Variants in CSNK2B observed in about 807,000 individuals in gnomAD.
CSNK2B encodes the protein casein kinase 2 beta, also known as casein kinase II subunit beta.
CSNK2B carries 2 observed loss-of-function variants against 28.8 expected under a neutral mutation model. The ratio of observed to expected loss-of-function variants is 0.07; its 90% CI spans 0.03 to 0.22. CSNK2B has a LOEUF of 0.22. CSNK2B is among the 10% of genes least tolerant of loss of function. The probability of loss-of-function intolerance (pLI) is 1.00; values close to 1 mark genes in which losing one functional copy is unlikely to be tolerated. For synonymous variants in CSNK2B, 89 were observed against 96.1 expected, an observed-to-expected ratio of 0.93 and a Z score of 0.43; for missense variants, 107 against 277.9, an observed-to-expected ratio of 0.39 and a Z score of 4.37.
chr6:31,666,131 T>G lies in CSNK2B; in HGVS notation c.-89T>G. ...GCCTGCCGCGGTCGGGTCCGCGGCC[T>G]GCGCTGTAGCGGTCGCCGCCGTTCC... On this transcript the variant is annotated 5_prime_UTR_variant, in exon 1 of 7. Coordinates refer to ENST00000375882, the MANE Select transcript of CSNK2B (RefSeq NM_001320.7). 2.0e-6 allele frequency: 2 copies of G among 991,720 alleles called. No homozygotes were observed. The highest frequency in any genetic ancestry group is 2.4e-6 in the Non-Finnish European group (2 of 833,014). 61.4% of individuals were successfully genotyped at this position (991,720 alleles called of 1,614,324 possible). A position where few individuals can be genotyped will look rare whatever the true frequency, so the allele number is the denominator to read the frequency against.
intron 3 of CSNK2B, 21 bp downstream of exon 3, chr6:31,667,991 T>G (rs768730321): frequency 4.9e-5 from 75 of 1,522,350 alleles, no homozygotes; most frequent in Non-Finnish European, 6.7e-5. Flanking sequence ...CTCAGGGTTG[T>G]TTTGTGTGTG....
At chr6:31,668,695 A>G in intron 4 of CSNK2B, 41 bp downstream of exon 4, 6 of 1,549,564 alleles carry the variant, frequency 3.9e-6, no homozygotes, top group Non-Finnish European at 5.3e-6. Flanking sequence ...TCTGAGCAGT[A>G]AGAGACACAG....
chr6:31,668,169 C>T (rs1017799882), intron 3 of CSNK2B, 199 bp downstream of exon 3: 5 of 630,594 alleles, frequency 7.9e-6, no homozygotes, highest in African/African-American at 4.1e-5. Flanking sequence ...TTTCTAAATC[C>T]GCAATTCAGA....
rs909014666 is a variant in CSNK2B, at chr6:31,667,930, C to T, written c.135C>T (p.His45=). The T allele has an allele frequency of 1.3e-6, 2 of 1,576,946 alleles. No individual in the cohort carries two copies. The highest frequency in any genetic ancestry group is 1.4e-5 in the African/African-American group (1 of 72,926). ...CTGGACTCAATGAGCAGGTCCCTCA[C>T]TATCGACAAGCTCTAGACATGATCT... The part of the protein sequence containing the change: ...NLTGLNEQVP[H]YRQALDMILD... The change falls in exon 3 of 7, where the codon CAC becomes CAT. Residue 45 remains histidine, a synonymous_variant. Transcript: ENST00000375882.
chr6:31,668,259 A>G, intron 3 of CSNK2B: 1 of 600,238 alleles, frequency 1.7e-6, no homozygotes, highest in Admixed American at 3.0e-5. Context: ...CTAGAATTTC[A>G]TCTTCTGCAT....
intron 1 of CSNK2B, chr6:31,666,465 G>C (rs1801709927): frequency 3.4e-6 from 1 of 292,220 alleles, no homozygotes; most frequent in African/African-American, 2.2e-5. Context: ...AAAGGCGTGG[G>C]GGTCATGCAG....
intron 1 of CSNK2B, 145 bp from the exon 2 acceptor site, chr6:31,666,674 TGG>T: frequency 1.6e-6 from 1 of 621,574 alleles, no homozygotes; most frequent in Non-Finnish European, 2.9e-6. Context: ...TTAGAGGAGC[TGG>T]AGAGGAGTGC....
At chr6:31,667,229 T>C (rs533229074) in intron 2 of CSNK2B, 2 of 508,066 alleles carry the variant, frequency 3.9e-6, no homozygotes, top group Admixed American at 2.3e-5. Context: ...CCTCCCAGGT[T>C]CAAGCGATTC....
chr6:31,666,769 C>T, intron 1 of CSNK2B, 52 bp from the exon 2 acceptor site: 1 of 1,455,720 alleles, frequency 6.9e-7, no homozygotes, highest in Admixed American at 1.8e-5. Flanking sequence ...AGGGAGGATA[C>T]CAGAGGCAGG....
Position 31,669,182 on chromosome 6 carries a change from G to A in CSNK2B, c.367+10G>A. The A allele has an allele frequency of 6.2e-7, 1 of 1,612,852 alleles. No homozygotes were observed. Among genetic ancestry groups the A allele is most frequent in the Non-Finnish European group, 8.5e-7 (1 of 1,179,022 alleles). The stretch of plus-strand genomic sequence containing the variant: ...CCAATGCTTCCCATTGGTGAGTGTT[G>A]AAGAAGGGAAAGGAAAGCACCGTGT... On this transcript the variant is annotated intron_variant, in intron 5 of 6. Coordinates refer to ENST00000375882, the MANE Select transcript of CSNK2B (RefSeq NM_001320.7). The surrounding 1 kb of genome is among the most constrained non-coding windows in gnomAD (Gnocchi z 4.8).
Position 31,669,316 on chromosome 6 carries a change from C to T in CSNK2B, c.368-3C>T. Reference sequence around the variant, plus strand: ...TGGCCTGCTGAGTCTGGCTGTCTCCCAGGCCTTTCAGACATCCCAGGTGAA... The same window carrying T: ...TGGCCTGCTGAGTCTGGCTGTCTCCTAGGCCTTTCAGACATCCCAGGTGAA... On this transcript the variant is annotated splice_region_variant and splice_polypyrimidine_tract_variant and intron_variant, in intron 5 of 6. Transcript: ENST00000375882. The surrounding 1 kb of genome is among the most constrained non-coding windows in gnomAD (Gnocchi z 4.8). 6.2e-7 allele frequency: 1 copy of T among 1,610,660 alleles called. No individual in the cohort carries two copies. The highest frequency in any genetic ancestry group is 8.5e-7 in the Non-Finnish European group (1 of 1,177,436).
At position 31,669,584 on chromosome 6, in the gene CSNK2B, C is replaced by A. The variant is rs1802037229; in HGVS notation, c.557+76C>A. On this transcript the variant is annotated intron_variant, in intron 6 of 6. Transcript: ENST00000375882. The surrounding 1 kb of genome is among the most constrained non-coding windows in gnomAD (Gnocchi z 4.8). ...CCAGAGAGGGGAGGACAGGGCATGG[C>A]CCTTTCTTGAGGTCTGCTTCTCCCA... 1.3e-6 allele frequency: 2 copies of A among 1,491,542 alleles called. No homozygotes were observed. Among genetic ancestry groups the A allele is most frequent in the South Asian group, 1.2e-5 (1 of 80,080 alleles). The allele number at this position is 1,491,542 out of a possible 1,614,324, so 92.4% of individuals were successfully genotyped here.
At position 31,669,015 on chromosome 6, in the gene CSNK2B, A is replaced by C; in HGVS notation, c.292-82A>C. 10 of 995,258 alleles carry C rather than the reference A, an allele frequency of 1.0e-5. No homozygotes were observed. Among genetic ancestry groups the C allele is most frequent in the Non-Finnish European group, 1.6e-5 (10 of 624,452 alleles). The allele number at this position is 995,258 out of a possible 1,614,324, so 61.7% of individuals were successfully genotyped here. On this transcript the variant is annotated intron_variant, in intron 4 of 6. Coordinates refer to ENST00000375882, the MANE Select transcript of CSNK2B (RefSeq NM_001320.7). The surrounding 1 kb of genome is among the most constrained non-coding windows in gnomAD (Gnocchi z 4.8). ...GACAGAGGTGGGAGGAGTGGGGGACAGAGTGGTATGGGTTGGGCTGCGAAG... is the reference window on the plus strand; with the variant it reads ...GACAGAGGTGGGAGGAGTGGGGGACCGAGTGGTATGGGTTGGGCTGCGAAG...
At chr6:31,668,235 T>C in intron 3 of CSNK2B, 1 of 605,778 alleles carries the variant, frequency 1.7e-6, no homozygotes, top group Non-Finnish European at 2.9e-6. Flanking sequence ...TTCTCCTGCT[T>C]TGCACCTTCC....
At chr6:31,668,783 G>C in intron 4 of CSNK2B, 129 bp downstream of exon 4, 2 of 825,842 alleles carry the variant, frequency 2.4e-6, no homozygotes, top group Non-Finnish European at 3.9e-6. Context: ...CCAGAACTTG[G>C]GCCTGGGAAT....
At chr6:31,668,244 C>G in intron 3 of CSNK2B, 1 of 603,882 alleles carries the variant, frequency 1.7e-6, no homozygotes, top group Non-Finnish European at 2.9e-6. Flanking sequence ...TTTGCACCTT[C>G]CAGTCTAGAA....
In CSNK2B at chr6:31,666,176, T is replaced by C. The variant is rs567067253; in HGVS notation, c.-44T>C. On this transcript the variant is annotated 5_prime_UTR_variant, in exon 1 of 7. Coordinates refer to ENST00000375882, the MANE Select transcript of CSNK2B (RefSeq NM_001320.7). Reference sequence around the variant, plus strand: ...CGTTCCCTGGAAGTAGCAACTTCCCTACCCCACCCCAGTCCTGGTCCCCGT... The same window carrying C: ...CGTTCCCTGGAAGTAGCAACTTCCCCACCCCACCCCAGTCCTGGTCCCCGT... The C allele has an allele frequency of 2.0e-6, 2 of 990,930 alleles. No individual in the cohort carries two copies. The highest frequency in any genetic ancestry group is 4.4e-5 in the South Asian group (1 of 22,648). 61.4% of individuals were successfully genotyped at this position (990,930 alleles called of 1,614,324 possible). A position where few individuals can be genotyped will look rare whatever the true frequency, so the allele number is the denominator to read the frequency against.
intron 3 of CSNK2B, chr6:31,668,335 A>G: frequency 1.7e-6 from 1 of 602,520 alleles, no homozygotes. Context: ...GAGGCTGAAA[A>G]GGTGTGAAGG....
intron 1 of CSNK2B, 72 bp from the exon 2 acceptor site, chr6:31,666,749 A>G (rs1801742198): frequency 7.8e-7 from 1 of 1,276,170 alleles, no homozygotes; most frequent in Non-Finnish European, 1.1e-6. Flanking sequence ...GGAGGGCCGA[A>G]TGTGGGAGGA....
Sources: allele counts gnomAD v4.1 joint callset, GRCh38; gene constraint gnomAD v4.1.1; non-coding constraint Gnocchi (gnomAD v3.1); transcripts MANE v1.5; gene names NCBI Gene and HGNC (gene_info 2026-07-23, HGNC 2026-07-21).